COL8A2: variants seen among roughly 807,000 people sequenced by gnomAD.
The protein encoded by COL8A2 is collagen alpha-2(VIII) chain.
In COL8A2, 16 loss-of-function variants were observed where a neutral mutation model predicts 24.0. The ratio of observed to expected loss-of-function variants is 0.67; its 90% CI spans 0.45 to 1.01. The LOEUF (loss-of-function observed/expected upper bound fraction) is 1.01, where lower values mean the gene tolerates loss of function less well. Ranked by LOEUF, COL8A2 falls within the 50% of genes least tolerant of loss-of-function variation. The probability of loss-of-function intolerance (pLI) is 0.00; values close to 1 mark genes in which losing one functional copy is unlikely to be tolerated. For synonymous variants in COL8A2, 466 were observed against 424.5 expected, an observed-to-expected ratio of 1.10 and a Z score of -1.20; for missense variants, 818 against 942.4, an observed-to-expected ratio of 0.87 and a Z score of 1.73.
At chr1:36,107,044 G>A (rs545661713) in intron 2 of COL8A2, among the ~76,000 whole-genome samples, 3 of 151,950 alleles carry the variant, frequency 2.0e-5, no homozygotes, top group Non-Finnish European at 2.9e-5. Flanking sequence ...TTCTGACAGC[G>A]TCCCTGGGCA....
In COL8A2 at chr1:36,096,209, A is replaced by G. The variant is rs74728250; in HGVS notation, c.*1360T>C. ...AGTGGCCATCTTTGCACGAGCAGGAATGTCCACCACTCCCAGCACTCATCT... is the reference window on the plus strand; with the variant it reads ...AGTGGCCATCTTTGCACGAGCAGGAGTGTCCACCACTCCCAGCACTCATCT... On this transcript the variant is annotated 3_prime_UTR_variant, in exon 4 of 4. Transcript: ENST00000397799. 847 of 152,444 alleles carry G rather than the reference A, an allele frequency of 5.6e-3. 5 individuals carry two copies. Among genetic ancestry groups the G allele is most frequent in the African/African-American group, 0.019 (803 of 41,586 alleles). 9.4% of individuals were successfully genotyped at this position (152,444 alleles called of 1,614,324 possible). A position where few individuals can be genotyped will look rare whatever the true frequency, so the allele number is the denominator to read the frequency against.
Position 36,097,514 on chromosome 1 carries a change from G to T in COL8A2, c.*55C>A. 1 of 1,366,478 alleles carries T rather than the reference G, an allele frequency of 7.3e-7. No individual in the cohort carries two copies. The highest frequency in any genetic ancestry group is 2.3e-5 in the East Asian group (1 of 43,358). The allele number at this position is 1,366,478 out of a possible 1,614,324, so 84.6% of individuals were successfully genotyped here. On this transcript the variant is annotated 3_prime_UTR_variant, in exon 4 of 4. Transcript: ENST00000397799. ...CCAGGAGGTTCTTTGTAATTGAAAAGGTCGCTCTACCACTAAAGGGGAGGA... is the reference window on the plus strand; with the variant it reads ...CCAGGAGGTTCTTTGTAATTGAAAATGTCGCTCTACCACTAAAGGGGAGGA...
intron 2 of COL8A2, among the ~76,000 whole-genome samples, chr1:36,114,482 G>A (rs879327313): frequency 6.6e-5 from 10 of 152,110 alleles, no homozygotes; most frequent in African/African-American, 1.7e-4. Context: ...CAACCCAGAC[G>A]TCTCACTGCC....
At position 36,115,719 on chromosome 1, in the gene COL8A2, G is replaced by A; in HGVS notation, c.-28C>T. The A allele has an allele frequency of 1.0e-6, 1 of 985,468 alleles. No homozygotes were observed. The highest frequency in any genetic ancestry group is 1.2e-6 in the Non-Finnish European group (1 of 830,064). The allele number at this position is 985,468 out of a possible 1,614,324, so 61.0% of individuals were successfully genotyped here. ...CAAACCTAGCTTACCTTTCAGGTCG[G>A]AGGGGCCTGGGAAGGTTCCAGCAGA... On this transcript the variant is annotated 5_prime_UTR_variant, in exon 2 of 4. Transcript: ENST00000397799. This position sits in a 1 kb window ranked among gnomAD's most constrained non-coding sequence, Gnocchi z 5.7.
intron 2 of COL8A2, among the ~76,000 whole-genome samples, chr1:36,111,156 GC>G (rs1057332903): frequency 2.0e-5 from 3 of 151,916 alleles, no homozygotes; most frequent in Non-Finnish European, 4.4e-5. Context: ...TGCTGCCCTT[GC>G]CCCCAGTCTC....
intron 1 of COL8A2, among the ~76,000 whole-genome samples, chr1:36,120,279 C>G (rs1643901020): frequency 6.6e-6 from 1 of 151,952 alleles, no homozygotes; most frequent in Admixed American, 6.6e-5. Context: ...CATGGCGAAA[C>G]CCCGTCTCTA....
At chr1:36,106,713 C>T (rs940493055) in intron 2 of COL8A2, among the ~76,000 whole-genome samples, 36 of 29,692 alleles carry the variant, frequency 1.2e-3, no homozygotes, top group African/African-American at 3.7e-3. Context: ...GGCAGCAGGG[C>T]GCCAAGGAAC....
intron 2 of COL8A2, among the ~76,000 whole-genome samples, chr1:36,104,271 C>T (rs1440628003): frequency 6.6e-6 from 1 of 151,992 alleles, no homozygotes; most frequent in Non-Finnish European, 1.5e-5. Context: ...GCGAGTGGAT[C>T]ACCTGAGGTC....
intron 2 of COL8A2, 60 bp from the exon 3 acceptor site, chr1:36,100,318 G>A (rs936416110): frequency 1.4e-4 from 193 of 1,410,656 alleles, no homozygotes; most frequent in Non-Finnish European, 1.7e-4. Context: ...CACTAGGCCC[G>A]GGGTCACCAA....
At position 36,095,558 on chromosome 1, in the gene COL8A2, C is replaced by T. The variant is rs1643549353; in HGVS notation, c.*2011G>A. 6.6e-6 allele frequency: 1 copy of T among 152,162 alleles called. No individual in the cohort carries two copies. Among genetic ancestry groups the T allele is most frequent in the African/African-American group, 2.4e-5 (1 of 41,432 alleles). The allele number at this position is 152,162 out of a possible 1,614,324, so 9.4% of individuals were successfully genotyped here. A position where few individuals can be genotyped will look rare whatever the true frequency, so the allele number is the denominator to read the frequency against. On this transcript the variant is annotated 3_prime_UTR_variant, in exon 4 of 4. Coordinates refer to ENST00000397799, the MANE Select transcript of COL8A2 (RefSeq NM_005202.4). ...TAGTCAGTTAAGTGGACACCTGCAA[C>T]TCAAATCCCATAAACATTTTAGAAA...
chr1:36,097,339 G>T lies in COL8A2; in HGVS notation c.*230C>A. ...GGCTGTGTGCCTCAGGGCCTATGGG[G>T]TGCAGCCCTGACACTGCACAGACAT... is the stretch of plus-strand genomic sequence containing the variant. On this transcript the variant is annotated 3_prime_UTR_variant, in exon 4 of 4. Coordinates refer to ENST00000397799, the MANE Select transcript of COL8A2 (RefSeq NM_005202.4). The T allele has an allele frequency of 1.8e-6, 1 of 541,146 alleles. No homozygotes were observed. Among genetic ancestry groups the T allele is most frequent in the Non-Finnish European group, 3.3e-6 (1 of 301,150 alleles). 33.5% of individuals were successfully genotyped at this position (541,146 alleles called of 1,614,324 possible).
chr1:36,124,271 C>T (rs1643935009), intron 1 of COL8A2, among the ~76,000 whole-genome samples: 1 of 152,222 alleles, frequency 6.6e-6, no homozygotes, highest in Non-Finnish European at 1.5e-5. Context: ...ATACAACCAG[C>T]AAAGTTTTCC....
intron 1 of COL8A2, among the ~76,000 whole-genome samples, chr1:36,120,777 G>GAGGAAGGAAGGA (rs1354098143): frequency 6.9e-6 from 1 of 144,734 alleles, no homozygotes; most frequent in African/African-American, 2.6e-5. Context: ...GAGAGAGAGA[G>GAGGAAGGAAGGA]AGGAAGGAAG....
intron 2 of COL8A2, among the ~76,000 whole-genome samples, chr1:36,111,309 C>T (rs546385635): frequency 1.3e-5 from 2 of 152,172 alleles, no homozygotes; most frequent in Non-Finnish European, 2.9e-5. Flanking sequence ...CCTCTCACCT[C>T]GGGGTGCTCC....
At chr1:36,118,018 C>G (rs1244915314) in intron 1 of COL8A2, among the ~76,000 whole-genome samples, 1 of 152,194 alleles carries the variant, frequency 6.6e-6, no homozygotes, top group East Asian at 1.9e-4. Flanking sequence ...CGGATCCTAC[C>G]TAAAGCTGCT....
In COL8A2 at chr1:36,098,109, G is replaced by A. The variant is rs756931119; in HGVS notation, c.1572C>T (p.Pro524=). 3.0e-5 allele frequency: 45 copies of A among 1,511,568 alleles called. No individual in the cohort carries two copies. The highest frequency in any genetic ancestry group is 2.2e-4 in the South Asian group (17 of 77,846). 93.6% of individuals were successfully genotyped at this position (1,511,568 alleles called of 1,614,324 possible). ...SPGITGPPGP[P]GPPGPPGAPG... The stretch of plus-strand genomic sequence containing the variant: ...GGGCACCAGGGGGTCCCGGGGGCCC[G>A]GGAGGCCCCGGAGGGCCCGTGATTC... The change falls in exon 4 of 4, where the codon CCC becomes CCT. Residue 524 remains proline, a synonymous_variant. Transcript: ENST00000397799.
rs747430633 is a variant in COL8A2 at position 36,098,967 on chromosome 1, T to C, written c.714A>G (p.Lys238=). The change falls in exon 4 of 4, where the codon AAA becomes AAG. Residue 238 remains lysine, a synonymous_variant. Transcript: ENST00000397799. ...CCCCAGGAAGCCCATCCAAACCAGGTTTGCCTAAGCCAGCTGGACCAGGGA... is the reference window on the plus strand; with the variant it reads ...CCCCAGGAAGCCCATCCAAACCAGGCTTGCCTAAGCCAGCTGGACCAGGGA... ...PGLPGPAGLG[K]PGLDGLPGAP... is the part of the protein sequence containing the mutation. 6 of 1,608,278 alleles carry C rather than the reference T, an allele frequency of 3.7e-6. No individual in the cohort carries two copies. In the South Asian group the frequency reaches 6.6e-5, roughly 18 times the overall value.
At chr1:36,106,371 C>T (rs1254729129) in intron 2 of COL8A2, among the ~76,000 whole-genome samples, 1 of 152,148 alleles carries the variant, frequency 6.6e-6, no homozygotes, top group Non-Finnish European at 1.5e-5. Context: ...GTCCCGAGTT[C>T]CAGCCCGTAA....
chr1:36,115,058 G>A lies in COL8A2; in HGVS notation c.-17+650C>T, dbSNP rs1643872715. On this transcript the variant is annotated intron_variant, in intron 2 of 3. Transcript: ENST00000397799. The surrounding 1 kb of genome is among the most constrained non-coding windows in gnomAD (Gnocchi z 5.7). ...GGCCCGGCAGTGGGCAGACCTGAGGGCAGCCATGTACCCTCAGGCAGGTAG... is the reference window on the plus strand; with the variant it reads ...GGCCCGGCAGTGGGCAGACCTGAGGACAGCCATGTACCCTCAGGCAGGTAG... Among the ~76,000 whole-genome samples the A allele has an allele frequency of 6.6e-6, 1 of 152,142 alleles. No homozygotes were observed. Among genetic ancestry groups the A allele is most frequent in the South Asian group, 2.1e-4 (1 of 4,832 alleles).
Sources: allele counts gnomAD v4.1 joint callset (sites outside exome capture counted in the v4.1 genomes callset), GRCh38; gene constraint gnomAD v4.1.1; non-coding constraint Gnocchi (gnomAD v3.1); transcripts MANE v1.5; gene names NCBI Gene and HGNC (gene_info 2026-07-23, HGNC 2026-07-21).